The following ZFPM2 variants were observed in gnomAD, a reference collection of about 807,000 sequenced individuals.
ZFPM2 encodes the protein zinc finger protein, FOG family member 2.
ZFPM2 carries 20 observed loss-of-function variants against 98.6 expected under a neutral mutation model. The observed-to-expected ratio is 0.20, with a 90% CI of 0.14 to 0.29. The LOEUF (loss-of-function observed/expected upper bound fraction) is 0.29. ZFPM2 is among the 10% of genes least tolerant of loss of function. The pLI is 1.00. For missense variants in ZFPM2, 1,310 were observed against 1,388.6 expected (o/e 0.94, Z 0.90); for synonymous variants, 518 against 502.7 (o/e 1.03, Z -0.41).
chr8:105,608,782 A>G (rs1233947238), intron 4 of ZFPM2, among the ~76,000 whole-genome samples: 1 of 152,120 alleles, frequency 6.6e-6, no homozygotes, highest in East Asian at 1.9e-4. Flanking sequence ...CTAAAAGCTG[A>G]CAATATAGAT....
chr8:105,715,810 A>G (rs1437619508), intron 5 of ZFPM2, among the ~76,000 whole-genome samples: 1 of 152,056 alleles, frequency 6.6e-6, no homozygotes, highest in Non-Finnish European at 1.5e-5. Flanking sequence ...GGGAACAAGC[A>G]TTGTAGATTC....
intron 1 of ZFPM2, among the ~76,000 whole-genome samples, chr8:105,359,013 A>T (rs1812803319): frequency 6.6e-6 from 1 of 152,150 alleles, no homozygotes; most frequent in South Asian, 2.1e-4. Context: ...AGACAAACTC[A>T]CTGATATGGT....
chr8:105,654,216 G>A (rs1316364769), intron 5 of ZFPM2, among the ~76,000 whole-genome samples: 3 of 150,690 alleles, frequency 2.0e-5, no homozygotes, highest in Non-Finnish European at 1.5e-5. Flanking sequence ...AAAAAGAGAA[G>A]GAAAAAAAAA....
At chr8:105,595,565 A>T (rs1352583726) in intron 4 of ZFPM2, among the ~76,000 whole-genome samples, 1 of 152,160 alleles carries the variant, frequency 6.6e-6, no homozygotes, top group Non-Finnish European at 1.5e-5. Flanking sequence ...GGCAGAAGTA[A>T]TAATATATAC....
At chr8:105,529,811 A>G (rs1414961768) in intron 3 of ZFPM2, among the ~76,000 whole-genome samples, 5 of 151,742 alleles carry the variant, frequency 3.3e-5, no homozygotes, top group Admixed American at 3.3e-4. Context: ...GCTCACTGCA[A>G]CCTCTGCCTC....
intron 3 of ZFPM2, among the ~76,000 whole-genome samples, chr8:105,556,456 A>G (rs956316716): frequency 1.5e-4 from 23 of 152,314 alleles, no homozygotes; most frequent in African/African-American, 5.1e-4. Flanking sequence ...CAACCTTTTT[A>G]GAAAGCTATT....
chr8:105,799,033 A>ATCTG, intron 7 of ZFPM2, 85 bp downstream of exon 7: 1 of 1,196,668 alleles, frequency 8.4e-7, no homozygotes, highest in Non-Finnish European at 1.2e-6. Context: ...ATACGTCTAT[A>ATCTG]TCTGTCTATC....
intron 1 of ZFPM2, among the ~76,000 whole-genome samples, chr8:105,334,077 G>T (rs1177105807): frequency 6.7e-6 from 1 of 148,292 alleles, no homozygotes; most frequent in Admixed American, 6.7e-5. Context: ...GAATGTGAAT[G>T]TCAGTATTTT....
intron 3 of ZFPM2, among the ~76,000 whole-genome samples, chr8:105,517,874 T>C (rs1813970786): frequency 6.6e-6 from 1 of 152,108 alleles, no homozygotes; most frequent in African/African-American, 2.4e-5. Context: ...TTCATGCCAC[T>C]GCATTCTAGC....
chr8:105,703,976 T>G (rs1165045026), intron 5 of ZFPM2, among the ~76,000 whole-genome samples: 1 of 152,154 alleles, frequency 6.6e-6, no homozygotes. Flanking sequence ...CCTCTTCCAC[T>G]TATGCCCCAC....
chr8:105,689,491 T>C (rs915627179), intron 5 of ZFPM2, among the ~76,000 whole-genome samples: 2 of 152,186 alleles, frequency 1.3e-5, no homozygotes, highest in African/African-American at 4.8e-5. Context: ...ATTCAGATTT[T>C]TTTTGTTGAT....
chr8:105,635,575 G>C (rs1816832104), intron 5 of ZFPM2, among the ~76,000 whole-genome samples: 4 of 152,130 alleles, frequency 2.6e-5, no homozygotes, highest in Admixed American at 2.6e-4. Flanking sequence ...GCTGGTGGGA[G>C]CTTTCAGCTA....
chr8:105,514,378 C>T lies in ZFPM2; in HGVS notation c.302-46985C>T, dbSNP rs562498927. ...TAGGCCTTAAAATACATCATTCACT[C>T]TCTGATGGAGATTTAAGCAGATAAA... On this transcript the variant is annotated intron_variant, in intron 3 of 7. Transcript: ENST00000407775. Among the ~76,000 whole-genome samples the T allele has an allele frequency of 5.6e-5, 8 of 143,220 alleles. No individual in the cohort carries two copies. In the East Asian group the frequency reaches 1.8e-3, roughly 33 times the overall value. The allele number at this position is 143,220 out of a possible 152,430, so 94.0% of individuals were successfully genotyped here.
At chr8:105,378,262 C>T (rs562190222) in intron 1 of ZFPM2, among the ~76,000 whole-genome samples, 6 of 152,026 alleles carry the variant, frequency 3.9e-5, no homozygotes, top group African/African-American at 7.2e-5. Context: ...ATTAGGGAGG[C>T]GGGGTCCCCA....
intron 3 of ZFPM2, among the ~76,000 whole-genome samples, chr8:105,457,022 A>G (rs1189430453): frequency 6.6e-6 from 1 of 152,170 alleles, no homozygotes; most frequent in Non-Finnish European, 1.5e-5. Flanking sequence ...CAAATAGCTT[A>G]TGATTTTTGT....
At chr8:105,414,233 G>T (rs1811633937) in intron 1 of ZFPM2, among the ~76,000 whole-genome samples, 1 of 152,006 alleles carries the variant, frequency 6.6e-6, no homozygotes. Context: ...CTGTTTAAGA[G>T]AGAAGATCCC....
chr8:105,443,331 A>AC (rs1812301063), intron 2 of ZFPM2, among the ~76,000 whole-genome samples: 1 of 151,136 alleles, frequency 6.6e-6, no homozygotes, highest in Non-Finnish European at 1.5e-5. Context: ...AAAAACAAAA[A>AC]AAAAAAAACT....
chr8:105,647,443 A>G (rs548268761), intron 5 of ZFPM2, among the ~76,000 whole-genome samples: 1 of 151,710 alleles, frequency 6.6e-6, no homozygotes, highest in East Asian at 1.9e-4. Flanking sequence ...TTTGTTACCT[A>G]TGTATACATG....
intron 3 of ZFPM2, among the ~76,000 whole-genome samples, chr8:105,484,221 ATTCTT>A (rs1011229372): frequency 6.6e-6 from 1 of 152,042 alleles, no homozygotes; most frequent in Admixed American, 6.6e-5. Context: ...TCTTCACTAT[ATTCTT>A]TTCTTTTAGA....
Sources: gnomAD v4.1 joint callset for allele counts (sites outside exome capture counted in the v4.1 genomes callset) on GRCh38, gnomAD v4.1.1 for gene constraint, MANE v1.5 for transcripts, NCBI Gene and HGNC (gene_info 2026-07-23, HGNC 2026-07-21) for gene names.